Variants in CHRM2 observed in about 807,000 individuals in gnomAD.
CHRM2 encodes muscarinic acetylcholine receptor M2.
A neutral mutation model predicts 25.0 loss-of-function variants in CHRM2; 8 were observed. That is an observed-to-expected ratio of 0.32 (90% CI 0.19 to 0.58). The LOEUF is 0.58. Ranked by LOEUF, CHRM2 falls within the 20% of genes least tolerant of loss-of-function variation. The probability of loss-of-function intolerance (pLI) is 0.88; values close to 1 mark genes in which losing one functional copy is unlikely to be tolerated. For synonymous variants in CHRM2, 202 were observed against 205.7 expected (o/e 0.98, Z 0.15); for missense variants, 440 against 567.1 (o/e 0.78, Z 2.28).
chr7:136,923,257 T>C (rs965222450), intron 2 of CHRM2, among the ~76,000 whole-genome samples: 1 of 130,980 alleles, frequency 7.6e-6, no homozygotes, highest in African/African-American at 3.2e-5. Flanking sequence ...CTGATACTTA[T>C]TAGCTTTTTT....
chr7:136,902,797 T>A (rs1421721115), intron 2 of CHRM2: 1 of 239,982 alleles, frequency 4.2e-6, no homozygotes, highest in Non-Finnish European at 8.1e-6. Context: ...ACTTTGAAAT[T>A]CCACAGTAAG....
chr7:136,886,679 C>T (rs11971334), intron 2 of CHRM2, among the ~76,000 whole-genome samples: 2 of 151,616 alleles, frequency 1.3e-5, no homozygotes, highest in Admixed American at 6.6e-5. Flanking sequence ...CCAGTCTGGG[C>T]AACATAGGAA....
chr7:136,892,182 C>G (rs1026962378), intron 2 of CHRM2, among the ~76,000 whole-genome samples: 2 of 152,150 alleles, frequency 1.3e-5, no homozygotes, highest in Non-Finnish European at 2.9e-5. Flanking sequence ...TTAGGGAAAT[C>G]CTTTTTGCCA....
At chr7:136,903,340 T>G (rs767209067) in intron 2 of CHRM2, 1 of 424,616 alleles carries the variant, frequency 2.4e-6, no homozygotes, top group South Asian at 1.9e-5. Flanking sequence ...ATAGTGTATG[T>G]GCAAATCTCC....
chr7:137,000,561 AAGGAAG>A, intron 3 of CHRM2, among the ~76,000 whole-genome samples: 1 of 148,686 alleles, frequency 6.7e-6, no homozygotes, highest in Non-Finnish European at 1.5e-5. Context: ...GGAAGGAAGG[AAGGAAG>A]GAAGGAAGGA....
chr7:136,930,877 A>G (rs10447879), intron 2 of CHRM2, among the ~76,000 whole-genome samples: 33,144 of 138,900 alleles, frequency 0.24, 5,360 homozygotes, highest in Non-Finnish European at 0.36. Flanking sequence ...AGCCTGGGCT[A>G]CAGAGCCAGA....
intron 2 of CHRM2, among the ~76,000 whole-genome samples, chr7:136,885,459 A>T (rs1285906583): frequency 1.3e-5 from 2 of 152,224 alleles, no homozygotes; most frequent in East Asian, 3.8e-4. Flanking sequence ...TAACATTTTC[A>T]TCTTATTATT....
At position 137,018,227 on chromosome 7, in the gene CHRM2, A is replaced by G. The variant is rs994654201; in HGVS notation, c.*1961A>G. The stretch of plus-strand genomic sequence containing the variant: ...GAAAAAAAAAACCAAAAAACTTATA[A>G]GTTAGTAAGAAGCAAATTGCCAGCA... On this transcript the variant is annotated 3_prime_UTR_variant, in exon 4 of 4. Coordinates refer to ENST00000680005, the MANE Select transcript of CHRM2 (RefSeq NM_001006630.2). 3 of 151,824 alleles carry G rather than the reference A, an allele frequency of 2.0e-5. No homozygotes were observed. The highest frequency in any genetic ancestry group is 2.9e-5 in the Non-Finnish European group (2 of 67,872). 9.4% of individuals were successfully genotyped at this position (151,824 alleles called of 1,614,324 possible). A position where few individuals can be genotyped will look rare whatever the true frequency, so the allele number is the denominator to read the frequency against.
At chr7:136,979,461 T>C (rs948818641) in intron 2 of CHRM2, among the ~76,000 whole-genome samples, 1 of 152,192 alleles carries the variant, frequency 6.6e-6, no homozygotes, top group Non-Finnish European at 1.5e-5. Context: ...TAGATCCCAT[T>C]TGTCAATTTT....
At chr7:136,982,682 A>G (rs1802562947) in intron 2 of CHRM2, among the ~76,000 whole-genome samples, 1 of 152,050 alleles carries the variant, frequency 6.6e-6, no homozygotes, top group Non-Finnish European at 1.5e-5. Flanking sequence ...AAAGGATTTT[A>G]TTTCTCCTTC....
At chr7:136,997,953 G>A (rs1157512270) in intron 3 of CHRM2, among the ~76,000 whole-genome samples, 1 of 152,124 alleles carries the variant, frequency 6.6e-6, no homozygotes, top group Non-Finnish European at 1.5e-5. Flanking sequence ...AGTTAATTGA[G>A]GAATCAGACA....
chr7:136,883,091 C>T (rs1295161096), intron 2 of CHRM2, among the ~76,000 whole-genome samples: 1 of 152,112 alleles, frequency 6.6e-6, no homozygotes, highest in African/African-American at 2.4e-5. Context: ...CACTTAGGTG[C>T]CCACTTTCAT....
At chr7:136,907,506 T>G (rs1318273577) in intron 2 of CHRM2, among the ~76,000 whole-genome samples, 3 of 151,914 alleles carry the variant, frequency 2.0e-5, no homozygotes, top group African/African-American at 4.8e-5. Context: ...ATCAGGAATG[T>G]TCTAGTTAGT....
At chr7:136,883,152 C>T (rs765995487) in intron 2 of CHRM2, among the ~76,000 whole-genome samples, 2 of 152,072 alleles carry the variant, frequency 1.3e-5, no homozygotes, top group Non-Finnish European at 2.9e-5. Context: ...ACTACTTCTG[C>T]CTTAACAGTT....
intron 2 of CHRM2, among the ~76,000 whole-genome samples, chr7:136,921,786 C>CTTTTTTTTTTTTTTTTTT (rs1485518823): frequency 9.1e-6 from 1 of 110,490 alleles, no homozygotes; most frequent in Non-Finnish European, 2.4e-5. Flanking sequence ...TTCTTTCTTT[C>CTTTTTTTTTTTTTTTTTT]TTTCTTTCTT....
At chr7:136,926,818 G>C (rs2130760448) in intron 2 of CHRM2, among the ~76,000 whole-genome samples, 1 of 152,290 alleles carries the variant, frequency 6.6e-6, no homozygotes, top group African/African-American at 2.4e-5. Flanking sequence ...TGGTGCTCCT[G>C]CTGCAGCTGT....
chr7:136,963,915 C>A (rs546685646), intron 2 of CHRM2, among the ~76,000 whole-genome samples: 1 of 152,172 alleles, frequency 6.6e-6, no homozygotes, highest in Non-Finnish European at 1.5e-5. Context: ...AACAGAGACA[C>A]CCTTGTCTTT....
chr7:136,910,800 A>AGT (rs71533718), intron 2 of CHRM2, among the ~76,000 whole-genome samples: 30,126 of 145,386 alleles, frequency 0.21, 3,206 homozygotes, highest in East Asian at 0.41. Context: ...TTTAAAATTA[A>AGT]GTGTGTGTGT....
At chr7:137,007,979 TA>T (rs1473795581) in intron 3 of CHRM2, among the ~76,000 whole-genome samples, 3 of 152,244 alleles carry the variant, frequency 2.0e-5, no homozygotes, top group African/African-American at 7.2e-5. Flanking sequence ...ACACATTCAC[TA>T]ATGCAGTTTA....
Sources: allele counts gnomAD v4.1 joint callset (sites outside exome capture counted in the v4.1 genomes callset), GRCh38; gene constraint gnomAD v4.1.1; transcripts MANE v1.5; gene names NCBI Gene and HGNC (gene_info 2026-07-23, HGNC 2026-07-21).